TDRD9: variants seen among roughly 807,000 people sequenced by gnomAD.
TDRD9 encodes tudor domain containing 9.
TDRD9 carries 124 observed loss-of-function variants against 172.6 expected under a neutral mutation model. That is an observed-to-expected ratio of 0.72 (90% confidence interval 0.62 to 0.83). TDRD9 has a LOEUF of 0.83. TDRD9 is among the 40% of genes least tolerant of loss of function. The pLI is 0.00. For synonymous variants in TDRD9, 619 were observed against 617.1 expected, an observed-to-expected ratio of 1.00 and a Z score of -0.05; for missense variants, 1,479 against 1,714.1, an observed-to-expected ratio of 0.86 and a Z score of 2.42.
chr14:103,957,057 ATAG>A (rs1374451922), intron 2 of TDRD9, among the ~76,000 whole-genome samples: 2 of 152,184 alleles, frequency 1.3e-5, no homozygotes, highest in Admixed American at 6.5e-5. Flanking sequence ...TCAATACATA[ATAG>A]TAGATTAATC....
chr14:103,956,112 AT>A (rs1371392649), intron 2 of TDRD9, among the ~76,000 whole-genome samples: 21 of 15,264 alleles, frequency 1.4e-3, no homozygotes, highest in African/African-American at 5.0e-3. Context: ...AAAAAAAAAA[AT>A]ATATATATAT....
intron 15 of TDRD9, among the ~76,000 whole-genome samples, chr14:104,005,628 C>T (rs12147936): frequency 0.33 from 50,244 of 151,828 alleles, 8,504 homozygotes; most frequent in Middle Eastern, 0.37. Flanking sequence ...TCATCCATTC[C>T]TGGAAACCCT....
chr14:104,007,639 GT>G (rs61640199), intron 19 of TDRD9, among the ~76,000 whole-genome samples: 27 of 144,318 alleles, frequency 1.9e-4, no homozygotes, highest in South Asian at 6.6e-4. Context: ...CCATTTTATT[GT>G]TTTTTTTTTT....
At position 104,018,158 on chromosome 14, in the gene TDRD9, G is replaced by A; in HGVS notation, c.2398G>A (p.Gly800Ser). ...KQLQSLFRQC[G>S]QVKSIVFDGA... ...ACTACAGTCTCTCTTTAGACAGTGT[G>A]GTCAAGTCAAATCCATTGTATTTGA... The change falls in exon 23 of 36, where the codon GGT becomes AGT. Residue 800 changes from glycine to serine, a missense_variant. Gly to Ser is a moderately conservative substitution (Grantham distance 56). Coordinates refer to ENST00000409874, the MANE Select transcript of TDRD9 (RefSeq NM_153046.3). The A allele has an allele frequency of 6.2e-7, 1 of 1,606,710 alleles. No individual in the cohort carries two copies. The highest frequency in any genetic ancestry group is 8.5e-7 in the Non-Finnish European group (1 of 1,175,140).
At position 104,018,123 on chromosome 14, in the gene TDRD9, A is replaced by G. The variant is rs1321021898; in HGVS notation, c.2363A>G (p.Tyr788Cys). 5 of 1,606,740 alleles carry G rather than the reference A, an allele frequency of 3.1e-6. No homozygotes were observed. Among genetic ancestry groups the G allele is most frequent in the Non-Finnish European group, 4.3e-6 (5 of 1,175,028 alleles). The change falls in exon 23 of 36, where the codon TAC becomes TGC. Residue 788 changes from tyrosine (Y) to cysteine (C), a missense_variant. Physicochemically the swap from Tyr to Cys is radical, Grantham distance 194. Coordinates refer to ENST00000409874, the MANE Select transcript of TDRD9 (RefSeq NM_153046.3). Reference sequence around the variant, plus strand: ...CACATTCCTCCCTATGGATTTCTTTACTATAAACAACTACAGTCTCTCTTT... The same window carrying G: ...CACATTCCTCCCTATGGATTTCTTTGCTATAAACAACTACAGTCTCTCTTT... Reference protein sequence around the residue: ...LKHIPPYGFLYYKQLQSLFRQ... With the variant: ...LKHIPPYGFLCYKQLQSLFRQ...
chr14:104,048,379 C>T (rs1018832421), intron 34 of TDRD9, among the ~76,000 whole-genome samples: 1 of 152,188 alleles, frequency 6.6e-6, no homozygotes, highest in Non-Finnish European at 1.5e-5. Flanking sequence ...GGTAGGGCTA[C>T]AGGCATATGT....
At chr14:103,936,886 A>G (rs1015048512) in intron 1 of TDRD9, among the ~76,000 whole-genome samples, 1 of 152,140 alleles carries the variant, frequency 6.6e-6, no homozygotes, top group Non-Finnish European at 1.5e-5. Context: ...GAGGCCGGGA[A>G]TTCGAGACTA....
rs2035058433 is a variant in TDRD9 at position 104,024,603 on chromosome 14, CCTATGCAAGT to C, written c.2644_2653del (p.Met882ProfsTer16). 6.2e-7 allele frequency: 1 copy of C among 1,611,930 alleles called. No individual in the cohort carries two copies. ...GGACTTCCAGAAGCAGACGGTAGAT[CCTATGCAAGT>C]CTCCTTTAACACATCAGACAGGTCC... On this transcript the variant is annotated frameshift_variant, in exon 25 of 36. Transcript: ENST00000409874. LOFTEE classifies it high-confidence loss of function.
chr14:103,951,757 TTTTTTTC>T (rs1447564247), intron 1 of TDRD9, among the ~76,000 whole-genome samples: 1 of 152,166 alleles, frequency 6.6e-6, no homozygotes, highest in African/African-American at 2.4e-5. Context: ...AATATTTCTT[TTTTTTTC>T]TTTTTTCTTT....
chr14:104,037,480 T>A (rs185472384), intron 32 of TDRD9, among the ~76,000 whole-genome samples: 8 of 152,340 alleles, frequency 5.3e-5, no homozygotes, highest in Non-Finnish European at 8.8e-5. Flanking sequence ...TGATTCAACT[T>A]TACGACTAAG....
chr14:103,981,498 G>A (rs1348653903), intron 7 of TDRD9, among the ~76,000 whole-genome samples: 2 of 152,172 alleles, frequency 1.3e-5, no homozygotes, highest in East Asian at 1.9e-4. Context: ...TTTATCCAAC[G>A]TCTTGTTTTT....
chr14:103,966,658 A>G (rs1280256417), intron 4 of TDRD9, 51 bp from the exon 5 acceptor site: 14 of 1,458,448 alleles, frequency 9.6e-6, no homozygotes, highest in Non-Finnish European at 1.3e-5. Flanking sequence ...TAAAATGGAC[A>G]TAACTTTTTT....
intron 22 of TDRD9, 60 bp downstream of exon 22, chr14:104,016,148 T>TGC: frequency 8.7e-7 from 1 of 1,146,132 alleles, no homozygotes; most frequent in Non-Finnish European, 1.3e-6. Context: ...ATTTTTGTTC[T>TGC]CTAATTGTTT....
chr14:104,023,232 G>T (rs1401728732), intron 24 of TDRD9, among the ~76,000 whole-genome samples: 1 of 149,056 alleles, frequency 6.7e-6, no homozygotes, highest in South Asian at 2.2e-4. Context: ...TATGGTGTAA[G>T]GCTGTTGAGA....
rs1406524070 is a variant in TDRD9 at position 103,938,438 on chromosome 14, ATAT to A, written c.215+9716_215+9718del. Among the ~76,000 whole-genome samples, 70 of 41,750 alleles carry A rather than the reference ATAT, an allele frequency of 1.7e-3. 1 individual carries two copies. Among genetic ancestry groups the A allele is most frequent in the African/African-American group, 6.0e-3 (67 of 11,162 alleles). 27.4% of individuals were successfully genotyped at this position (41,750 alleles called of 152,430 possible). On this transcript the variant is annotated intron_variant, in intron 1 of 35. Transcript: ENST00000409874. Reference sequence around the variant, plus strand: ...TGTATATATATATATATATATATATATATTTTTTTTTTTTTTTTGAGATGGTGT... The same window carrying A: ...TGTATATATATATATATATATATATATTTTTTTTTTTTTTTGAGATGGTGT...
At chr14:103,928,758 G>A (rs1282249483) in intron 1 of TDRD9, 34 bp downstream of exon 1, 5 of 915,784 alleles carry the variant, frequency 5.5e-6, no homozygotes, top group Non-Finnish European at 5.6e-6. Context: ...CGGCTGGAGG[G>A]CGGCCGGGCG....
At chr14:104,050,488 A>G (rs772019839) in intron 35 of TDRD9, among the ~76,000 whole-genome samples, 71 of 152,232 alleles carry the variant, frequency 4.7e-4, no homozygotes, top group Non-Finnish European at 8.8e-4. Flanking sequence ...AGCCCAAAGG[A>G]GTTTGGAGAT....
intron 6 of TDRD9, among the ~76,000 whole-genome samples, chr14:103,973,487 C>T (rs929225619): frequency 6.6e-6 from 1 of 152,178 alleles, no homozygotes; most frequent in Admixed American, 6.5e-5. Flanking sequence ...CTGGACTCAG[C>T]TCAGGCCCAC....
intron 1 of TDRD9, among the ~76,000 whole-genome samples, chr14:103,949,560 C>T (rs1335898765): frequency 6.6e-6 from 1 of 152,204 alleles, no homozygotes; most frequent in Non-Finnish European, 1.5e-5. Context: ...TTATGCCACC[C>T]AGGGAGTCGT....
Sources: gnomAD v4.1 joint callset for allele counts (sites outside exome capture counted in the v4.1 genomes callset) on GRCh38, gnomAD v4.1.1 for gene constraint, MANE v1.5 for transcripts, NCBI Gene and HGNC (gene_info 2026-07-23, HGNC 2026-07-21) for gene names.